Variants in ADAMTS20 observed in about 807,000 individuals in gnomAD.
The protein encoded by ADAMTS20 is A disintegrin and metalloproteinase with thrombospondin motifs 20.
Under a neutral mutation model 260.1 loss-of-function variants are expected in ADAMTS20, and 225 were observed. The observed-to-expected ratio is 0.87, with a 90% CI of 0.78 to 0.97. The LOEUF (loss-of-function observed/expected upper bound fraction) is 0.97, where lower values mean the gene tolerates loss of function less well. ADAMTS20 is among the 50% of genes least tolerant of loss of function. The pLI is 0.00. For synonymous variants in ADAMTS20, 802 were observed against 769.5 expected, an observed-to-expected ratio of 1.04 and a Z score of -0.70; for missense variants, 2,400 against 2,337.7, an observed-to-expected ratio of 1.03 and a Z score of -0.55.
intron 37 of ADAMTS20, among the ~76,000 whole-genome samples, chr12:43,363,857 A>T (rs944922899): frequency 2.0e-5 from 3 of 152,186 alleles, no homozygotes; most frequent in Admixed American, 6.5e-5. Flanking sequence ...AGACTATAAG[A>T]CTAATTGAGG....
At chr12:43,384,822 T>C (rs950811217) in intron 29 of ADAMTS20, among the ~76,000 whole-genome samples, 1 of 152,218 alleles carries the variant, frequency 6.6e-6, no homozygotes, top group Non-Finnish European at 1.5e-5. Flanking sequence ...TTCCATGTTA[T>C]ATACGTGCTG....
At chr12:43,409,601 C>CAAAAAAAAAAAAAAAAAAAA (rs67474640) in intron 28 of ADAMTS20, among the ~76,000 whole-genome samples, 1 of 46,908 alleles carries the variant, frequency 2.1e-5, no homozygotes, top group African/African-American at 1.4e-4. Context: ...GACTCCGTCT[C>CAAAAAAAAAAAAAAAAAAAA]AAAAAAAAAA....
chr12:43,528,544 C>A (rs1285640205), intron 3 of ADAMTS20, among the ~76,000 whole-genome samples: 1 of 151,698 alleles, frequency 6.6e-6, no homozygotes, highest in African/African-American at 2.4e-5. Flanking sequence ...ACAAAGCATA[C>A]TACATAAATT....
At chr12:43,537,770 C>T (rs1273675821) in intron 2 of ADAMTS20, among the ~76,000 whole-genome samples, 1 of 152,126 alleles carries the variant, frequency 6.6e-6, no homozygotes, top group African/African-American at 2.4e-5. Flanking sequence ...ATGCAGTGTA[C>T]ATCTTTATGT....
chr12:43,431,323 T>C lies in ADAMTS20; in HGVS notation c.3261+9A>G. On this transcript the variant is annotated intron_variant, in intron 22 of 38. Transcript: ENST00000389420. ...GATCAAATTAGAAAAACCCATATCATATACTCACAGGACCCCATGGTCCTA... is the reference window on the plus strand; with the variant it reads ...GATCAAATTAGAAAAACCCATATCACATACTCACAGGACCCCATGGTCCTA... The C allele has an allele frequency of 6.2e-7, 1 of 1,612,982 alleles. No homozygotes were observed.
intron 36 of ADAMTS20, among the ~76,000 whole-genome samples, chr12:43,371,772 G>C (rs1347181916): frequency 6.6e-6 from 1 of 152,192 alleles, no homozygotes; most frequent in East Asian, 1.9e-4. Context: ...AGAAAACTGA[G>C]AGGGAATAGA....
chr12:43,540,916 T>C (rs1943368335), intron 2 of ADAMTS20, among the ~76,000 whole-genome samples: 1 of 152,198 alleles, frequency 6.6e-6, no homozygotes, highest in South Asian at 2.1e-4. Context: ...CCAAAATTTT[T>C]ATATGTTTAG....
intron 11 of ADAMTS20, among the ~76,000 whole-genome samples, chr12:43,461,017 G>A (rs1222942898): frequency 1.2e-4 from 6 of 48,578 alleles, no homozygotes; most frequent in Admixed American, 3.8e-4. Context: ...TTTTTGAGAC[G>A]AAGTCTCACT....
chr12:43,510,530 G>A (rs17093415), intron 3 of ADAMTS20, among the ~76,000 whole-genome samples: 31,911 of 151,160 alleles, frequency 0.21, 3,870 homozygotes, highest in African/African-American at 0.32. Flanking sequence ...TACATAAATG[G>A]CCACTATTCA....
At chr12:43,483,416 G>T (rs577810920) in intron 7 of ADAMTS20, among the ~76,000 whole-genome samples, 1 of 152,272 alleles carries the variant, frequency 6.6e-6, no homozygotes, top group Admixed American at 6.5e-5. Flanking sequence ...CTGAGCTCAA[G>T]AGTCAGGCAG....
chr12:43,545,149 G>A (rs759004053), intron 2 of ADAMTS20, among the ~76,000 whole-genome samples: 1 of 152,112 alleles, frequency 6.6e-6, no homozygotes, highest in Non-Finnish European at 1.5e-5. Flanking sequence ...ACTTTAAATA[G>A]CCTCTCTTCC....
intron 28 of ADAMTS20, among the ~76,000 whole-genome samples, chr12:43,415,661 A>G (rs1941116679): frequency 1.3e-5 from 2 of 152,206 alleles, no homozygotes; most frequent in African/African-American, 2.4e-5. Flanking sequence ...TAGAAATGCT[A>G]AGTAACTTGG....
At chr12:43,516,441 T>G (rs969971218) in intron 3 of ADAMTS20, among the ~76,000 whole-genome samples, 1 of 152,208 alleles carries the variant, frequency 6.6e-6, no homozygotes, top group East Asian at 1.9e-4. Context: ...AAGATTCAAA[T>G]TGACTTCACT....
intron 31 of ADAMTS20, among the ~76,000 whole-genome samples, chr12:43,382,785 C>A (rs1318045782): frequency 6.6e-6 from 1 of 151,396 alleles, no homozygotes; most frequent in African/African-American, 2.4e-5. Flanking sequence ...TATAAAAAAG[C>A]TGAAATTAAA....
At chr12:43,434,403 A>G in intron 18 of ADAMTS20, 32 bp from the exon 19 acceptor site, 1 of 1,543,448 alleles carries the variant, frequency 6.5e-7, no homozygotes, top group Non-Finnish European at 8.7e-7. Context: ...ATAAAAAATG[A>G]AAGAAAAATT....
At chr12:43,387,724 C>T (rs559192541) in intron 29 of ADAMTS20, among the ~76,000 whole-genome samples, 9 of 152,158 alleles carry the variant, frequency 5.9e-5, no homozygotes, top group African/African-American at 1.7e-4. Context: ...TTGGCTAGAG[C>T]GGCAAAGCTG....
intron 16 of ADAMTS20, among the ~76,000 whole-genome samples, chr12:43,443,552 T>C (rs1270336824): frequency 6.6e-6 from 1 of 151,720 alleles, no homozygotes; most frequent in South Asian, 2.1e-4. Flanking sequence ...TTATCTAAAA[T>C]ACACGAGAAA....
chr12:43,503,555 T>C (rs1942798660), intron 3 of ADAMTS20, among the ~76,000 whole-genome samples: 1 of 152,078 alleles, frequency 6.6e-6, no homozygotes, highest in Non-Finnish European at 1.5e-5. Flanking sequence ...TTCGTCTTAT[T>C]CTTTTTTTTC....
At chr12:43,492,423 AAAAAG>A in intron 6 of ADAMTS20, 77 bp downstream of exon 6, 2 of 1,471,914 alleles carry the variant, frequency 1.4e-6, no homozygotes, top group Non-Finnish European at 1.8e-6. Flanking sequence ...ACAAAACAAA[AAAAAG>A]AATTAAGAAG....
Sources: allele counts gnomAD v4.1 joint callset (sites outside exome capture counted in the v4.1 genomes callset), GRCh38; gene constraint gnomAD v4.1.1; transcripts MANE v1.5; gene names NCBI Gene and HGNC (gene_info 2026-07-23, HGNC 2026-07-21).